Variants in CRYBG3 observed in about 807,000 individuals in gnomAD.
CRYBG3 encodes crystallin beta-gamma domain containing 3.
In CRYBG3, 127 loss-of-function variants were observed where a neutral mutation model predicts 244.2. The ratio of observed to expected loss-of-function variants is 0.52; its 90% CI spans 0.45 to 0.60. CRYBG3 has a LOEUF of 0.60. Ranked by LOEUF, CRYBG3 falls within the 20% of genes least tolerant of loss-of-function variation. The pLI is 0.00. For synonymous variants in CRYBG3, 1,132 were observed against 1,195.8 expected (o/e 0.95, Z 1.10); for missense variants, 3,325 against 3,442.5 (o/e 0.97, Z 0.85).
chr3:97,888,043 G>A (rs1276266351), intron 8 of CRYBG3, among the ~76,000 whole-genome samples: 1 of 152,158 alleles, frequency 6.6e-6, no homozygotes, highest in African/African-American at 2.4e-5. Flanking sequence ...TTTCCCACTT[G>A]AATTAAAGGT....
At position 97,874,324 on chromosome 3, in the gene CRYBG3, TACAGAA is replaced by T. The variant is rs1256826523; in HGVS notation, c.3132_3137del (p.Tyr1044_Lys1046delinsTer). ...GAAATTGGAAAAGAAATCCTCATCT[TACAGAA>T]AGAAAGAGAACATCCATTTTTTAAA... On this transcript the variant is annotated stop_gained and inframe_deletion, in exon 4 of 22. Coordinates refer to ENST00000389622, the MANE Select transcript of CRYBG3 (RefSeq NM_153605.4). LOFTEE classifies it high-confidence loss of function. The T allele has an allele frequency of 1.3e-6, 2 of 1,527,640 alleles. No homozygotes were observed. Among genetic ancestry groups the T allele is most frequent in the African/African-American group, 2.8e-5 (2 of 72,352 alleles). 94.6% of individuals were successfully genotyped at this position (1,527,640 alleles called of 1,614,324 possible). A position where few individuals can be genotyped will look rare whatever the true frequency, so the allele number is the denominator to read the frequency against.
chr3:97,874,606 A>G lies in CRYBG3; in HGVS notation c.3412A>G (p.Ile1138Val), dbSNP rs1044453793. 47 of 1,535,930 alleles carry G rather than the reference A, an allele frequency of 3.1e-5. No homozygotes were observed. The highest frequency in any genetic ancestry group is 5.5e-5 in the African/African-American group (4 of 73,034). ...TGGGATTTATACTGGGAAGATATCC[A>G]TTGATTTCCCAACTGCTGCCCAATT... is the stretch of plus-strand genomic sequence containing the variant. ...HFGIYTGKIS[I>V]DFPTAAQFDN... The change falls in exon 4 of 22, where the codon ATT (isoleucine) becomes GTT (valine). Residue 1138 changes from isoleucine (I) to valine (V), a missense_variant. Ile to Val is a conservative substitution (Grantham distance 29). Coordinates refer to ENST00000389622, the MANE Select transcript of CRYBG3 (RefSeq NM_153605.4).
intron 19 of CRYBG3, among the ~76,000 whole-genome samples, chr3:97,938,514 TTC>T (rs758435228): frequency 9.9e-5 from 15 of 151,886 alleles, no homozygotes; most frequent in Non-Finnish European, 2.1e-4. Flanking sequence ...CTAATTGGTC[TTC>T]TCTCACCCTC....
chr3:97,855,388 T>C (rs886150692), intron 2 of CRYBG3, among the ~76,000 whole-genome samples: 1 of 152,166 alleles, frequency 6.6e-6, no homozygotes, highest in African/African-American at 2.4e-5. Flanking sequence ...CTGTCTCCTT[T>C]GATTTTTTGA....
intron 17 of CRYBG3, chr3:97,924,257 T>C (rs887899500): frequency 4.2e-5 from 14 of 335,138 alleles, no homozygotes; most frequent in Non-Finnish European, 6.8e-5. Flanking sequence ...CCTACTTTAC[T>C]CCAAACACAA....
At chr3:97,924,021 A>G (rs1483726162) in intron 17 of CRYBG3, among the ~76,000 whole-genome samples, 4 of 152,082 alleles carry the variant, frequency 2.6e-5, no homozygotes, top group Admixed American at 1.3e-4. Context: ...AACAACATGT[A>G]GGGTCACTTA....
intron 3 of CRYBG3, among the ~76,000 whole-genome samples, chr3:97,868,718 G>T (rs970889629): frequency 1.3e-5 from 2 of 152,106 alleles, no homozygotes; most frequent in African/African-American, 2.4e-5. Context: ...TATTATTATA[G>T]TGAGTTGAAA....
intron 1 of CRYBG3, among the ~76,000 whole-genome samples, chr3:97,840,856 A>T (rs868535016): frequency 6.6e-6 from 1 of 152,096 alleles, no homozygotes; most frequent in Non-Finnish European, 1.5e-5. Flanking sequence ...ATTCTTAATT[A>T]TACCCCAAAT....
intron 17 of CRYBG3, among the ~76,000 whole-genome samples, chr3:97,921,315 T>A (rs2039982557): frequency 6.6e-6 from 1 of 152,162 alleles, no homozygotes; most frequent in Non-Finnish European, 1.5e-5. Context: ...TCATCACAGT[T>A]ACTGAAACTG....
At chr3:97,922,842 A>G (rs1436535051) in intron 17 of CRYBG3, among the ~76,000 whole-genome samples, 4 of 152,170 alleles carry the variant, frequency 2.6e-5, no homozygotes, top group Admixed American at 6.5e-5. Context: ...TACTGGGTAT[A>G]TACCCAAAGG....
intron 2 of CRYBG3, among the ~76,000 whole-genome samples, chr3:97,850,423 C>T (rs974224242): frequency 1.8e-4 from 28 of 152,170 alleles, no homozygotes; most frequent in Admixed American, 2.6e-4. Context: ...GAAAGTAACA[C>T]GCCAGATATA....
intron 10 of CRYBG3, 55 bp from the exon 11 acceptor site, chr3:97,892,805 A>G: frequency 1.1e-6 from 1 of 910,120 alleles, no homozygotes; most frequent in Non-Finnish European, 1.6e-6. Flanking sequence ...CTTTGGTGTC[A>G]CTTAAGTAAA....
At position 97,874,825 on chromosome 3, in the gene CRYBG3, G is replaced by T. The variant is rs1419287630; in HGVS notation, c.3631G>T (p.Val1211Phe). The T allele has an allele frequency of 6.5e-7, 1 of 1,535,952 alleles. No individual in the cohort carries two copies. Among genetic ancestry groups the T allele is most frequent in the Non-Finnish European group, 8.7e-7 (1 of 1,146,840 alleles). Residue 1211 changes from valine to phenylalanine, a missense_variant, in exon 4 of 22, where the codon GTC (valine) becomes TTC (phenylalanine). By Grantham distance (50) the Val-to-Phe change is conservative (BLOSUM62 -1). This residue lies in a region of CRYBG3 where 1,526 missense variants were observed against 1,443.2 expected (regional missense o/e 1.06). Coordinates refer to ENST00000389622, the MANE Select transcript of CRYBG3 (RefSeq NM_153605.4). Reference sequence around the variant, plus strand: ...ATTGATTGGTGAGATTTTTAATTCTGTCAGGGAAGAACTAAAATTCAAACA... The same window carrying T: ...ATTGATTGGTGAGATTTTTAATTCTTTCAGGGAAGAACTAAAATTCAAACA... ...DTLIGEIFNS[V>F]REELKFKHTV...
intron 15 of CRYBG3, among the ~76,000 whole-genome samples, chr3:97,911,182 C>T (rs899792608): frequency 9.2e-5 from 14 of 152,248 alleles, no homozygotes; most frequent in African/African-American, 2.2e-4. Context: ...TTTGGGAAGA[C>T]GAGGGAGGTG....
chr3:97,911,485 G>T (rs2039871545), intron 15 of CRYBG3, among the ~76,000 whole-genome samples: 1 of 152,208 alleles, frequency 6.6e-6, no homozygotes, highest in Non-Finnish European at 1.5e-5. Context: ...ACATGTAGTT[G>T]TATATAACTG....
chr3:97,942,451 T>A lies in CRYBG3; in HGVS notation c.8824+8T>A. ...TTGTCCTTGATGTTAAAGGTGGGCC[T>A]TTGATGATACCCAATGTTGTGTCCC... On this transcript the variant is annotated splice_region_variant and intron_variant, in intron 21 of 21. Transcript: ENST00000389622. 6.2e-7 allele frequency: 1 copy of A among 1,604,566 alleles called. No homozygotes were observed. The highest frequency in any genetic ancestry group is 8.5e-7 in the Non-Finnish European group (1 of 1,174,570).
At chr3:97,853,278 A>G (rs1405972021) in intron 2 of CRYBG3, among the ~76,000 whole-genome samples, 2 of 150,100 alleles carry the variant, frequency 1.3e-5, no homozygotes, top group Non-Finnish European at 2.9e-5. Context: ...TCCATTCCTG[A>G]GTTACTTCTC....
intron 17 of CRYBG3, among the ~76,000 whole-genome samples, chr3:97,931,800 C>A (rs2040100051): frequency 1.3e-5 from 2 of 151,998 alleles, no homozygotes; most frequent in Non-Finnish European, 2.9e-5. Flanking sequence ...GTCTTCCTGG[C>A]CATCCTTTAC....
intron 18 of CRYBG3, 82 bp from the exon 19 acceptor site, chr3:97,936,703 A>G (rs2040169264): frequency 6.9e-7 from 1 of 1,454,376 alleles, no homozygotes; most frequent in Non-Finnish European, 9.4e-7. Context: ...TATGAACCCT[A>G]TAAGGCAAAG....
Sources: allele counts gnomAD v4.1 joint callset (sites outside exome capture counted in the v4.1 genomes callset), GRCh38; gene constraint gnomAD v4.1.1; regional missense constraint gnomAD v4.1.1; transcripts MANE v1.5; gene names NCBI Gene and HGNC (gene_info 2026-07-23, HGNC 2026-07-21).